Variants in NPAS3 observed in about 807,000 individuals in gnomAD.
NPAS3 encodes the protein neuronal PAS domain protein 3, also known as neuronal PAS domain-containing protein 3.
Under a neutral mutation model 73.1 loss-of-function variants are expected in NPAS3, and 14 were observed. The observed-to-expected ratio is 0.19, with a 90% CI of 0.13 to 0.30. The LOEUF is 0.30. NPAS3 is among the 10% of genes least tolerant of loss of function. NPAS3 has a pLI of 1.00. For missense variants in NPAS3, 1,096 were observed against 1,250.0 expected (o/e 0.88, Z 1.86); for synonymous variants, 620 against 541.5 (o/e 1.14, Z -2.01).
chr14:33,522,569 T>C (rs1294345231), intron 4 of NPAS3, among the ~76,000 whole-genome samples: 1 of 152,170 alleles, frequency 6.6e-6, no homozygotes, highest in Non-Finnish European at 1.5e-5. Context: ...CATTTTCTGA[T>C]GTTGGAAATA....
intron 3 of NPAS3, among the ~76,000 whole-genome samples, chr14:33,241,066 T>A (rs1000849362): frequency 6.6e-6 from 1 of 151,960 alleles, no homozygotes; most frequent in South Asian, 2.1e-4. Flanking sequence ...CTCTATTTAT[T>A]TTCTCTTCTT....
intron 5 of NPAS3, among the ~76,000 whole-genome samples, chr14:33,663,214 A>G (rs569486581): frequency 1.1e-4 from 16 of 152,204 alleles, no homozygotes; most frequent in African/African-American, 3.4e-4. Context: ...GGTTTGTCAT[A>G]AATAGCTCTT....
chr14:33,500,465 A>G (rs1292739864), intron 4 of NPAS3, among the ~76,000 whole-genome samples: 7 of 151,878 alleles, frequency 4.6e-5, no homozygotes, highest in Admixed American at 2.0e-4. Flanking sequence ...CTACAGATGA[A>G]TCGGGTGTGG....
chr14:33,799,487 C>T (rs1041675081), intron 11 of NPAS3, among the ~76,000 whole-genome samples: 1 of 152,152 alleles, frequency 6.6e-6, no homozygotes, highest in Non-Finnish European at 1.5e-5. Flanking sequence ...AGCGGGTGTC[C>T]AGATGATTGC....
intron 6 of NPAS3, among the ~76,000 whole-genome samples, chr14:33,710,948 A>G (rs1338061897): frequency 2.6e-5 from 4 of 152,226 alleles, no homozygotes; most frequent in African/African-American, 2.4e-5. Context: ...CAAAGTGCCA[A>G]GGTTCTCAGA....
At chr14:33,309,848 T>C (rs971836670) in intron 3 of NPAS3, among the ~76,000 whole-genome samples, 1 of 152,210 alleles carries the variant, frequency 6.6e-6, no homozygotes, top group African/African-American at 2.4e-5. Context: ...AATGCTCAGC[T>C]AGCTATGGAG....
At chr14:33,208,509 T>G (rs1222681831) in intron 2 of NPAS3, among the ~76,000 whole-genome samples, 1 of 152,190 alleles carries the variant, frequency 6.6e-6, no homozygotes, top group African/African-American at 2.4e-5. Context: ...ACAAGTCAAA[T>G]GGGTCAGGAT....
chr14:33,672,896 G>C (rs950836572), intron 5 of NPAS3, among the ~76,000 whole-genome samples: 1 of 152,136 alleles, frequency 6.6e-6, no homozygotes. Context: ...GGTGTCTTCT[G>C]GCTCTAAAAT....
At position 33,380,424 on chromosome 14, in the gene NPAS3, C is replaced by A. The variant is rs546521760; in HGVS notation, c.468+13156C>A. ...TGAACTGTAGCCATGCACCTGTGGG[C>A]AGACCCAGGAGCTGGGTCAGATGCC... On this transcript the variant is annotated intron_variant, in intron 4 of 11. Coordinates refer to ENST00000356141, the Ensembl canonical transcript of NPAS3. Among the ~76,000 whole-genome samples, 174 of 152,264 alleles carry A rather than the reference C, an allele frequency of 1.1e-3. 1 individual carries two copies. Among genetic ancestry groups the A allele is most frequent in the Non-Finnish European group, 2.0e-3 (139 of 68,032 alleles).
At chr14:33,215,922 A>G (rs1384552399) in intron 3 of NPAS3, among the ~76,000 whole-genome samples, 1 of 152,184 alleles carries the variant, frequency 6.6e-6, no homozygotes, top group African/African-American at 2.4e-5. Flanking sequence ...TTCTCTATAT[A>G]CATATTACCT....
rs142610743 is a variant in NPAS3, at chr14:33,546,087, G to A, written c.469-14034G>A. Among the ~76,000 whole-genome samples the A allele has an allele frequency of 3.3e-4, 50 of 152,248 alleles. No individual in the cohort carries two copies. The Middle Eastern group carries it at 0.017, about 52-fold the overall frequency. ...GAAGCCTCCTCTGCCACACCTCTTAGTGAGGCCAGGAGTCTACCTCTATAG... is the reference window on the plus strand; with the variant it reads ...GAAGCCTCCTCTGCCACACCTCTTAATGAGGCCAGGAGTCTACCTCTATAG... On this transcript the variant is annotated intron_variant, in intron 4 of 11. Coordinates refer to ENST00000356141, the Ensembl canonical transcript of NPAS3.
At chr14:33,430,731 T>C (rs1019018161) in intron 4 of NPAS3, among the ~76,000 whole-genome samples, 2 of 152,216 alleles carry the variant, frequency 1.3e-5, no homozygotes, top group Non-Finnish European at 2.9e-5. Flanking sequence ...TCCACATCTA[T>C]CTTCTCCCTG....
At chr14:33,255,641 C>T (rs2048751761) in intron 3 of NPAS3, among the ~76,000 whole-genome samples, 1 of 152,142 alleles carries the variant, frequency 6.6e-6, no homozygotes, top group Admixed American at 6.5e-5. Context: ...TAGGGTGACT[C>T]AGCCTGGTCT....
intron 2 of NPAS3, among the ~76,000 whole-genome samples, chr14:33,147,728 AAAAT>A (rs1372525215): frequency 7.7e-5 from 5 of 65,248 alleles, no homozygotes; most frequent in Non-Finnish European, 1.4e-4. Flanking sequence ...AGTAGAATAA[AAAAT>A]ATATATATAT....
chr14:33,002,686 C>T (rs1166087064), intron 1 of NPAS3, among the ~76,000 whole-genome samples: 3 of 152,086 alleles, frequency 2.0e-5, no homozygotes, highest in Non-Finnish European at 4.4e-5. Context: ...AGGTGGCTTC[C>T]ACAAATTCTG....
At chr14:33,330,871 A>G (rs1316662223) in intron 3 of NPAS3, among the ~76,000 whole-genome samples, 4 of 152,232 alleles carry the variant, frequency 2.6e-5, no homozygotes, top group Non-Finnish European at 4.4e-5. Context: ...ACCTAGCCTT[A>G]AAGAGATGTT....
In NPAS3 at chr14:33,021,762, T is replaced by G. The variant is rs571916245; in HGVS notation, c.51-34143T>G. Among the ~76,000 whole-genome samples, 4 of 152,312 alleles carry G rather than the reference T, an allele frequency of 2.6e-5. No individual in the cohort carries two copies. The East Asian group carries it at 7.7e-4, about 29-fold the overall frequency. ...ATTTAACATTAACTTAGGTAATAAA[T>G]AAAATATTTTGTGTTGTCGACTGTA... is the stretch of plus-strand genomic sequence containing the variant. On this transcript the variant is annotated intron_variant, in intron 1 of 11. Transcript: ENST00000356141.
At chr14:33,660,814 C>T (rs568210723) in intron 5 of NPAS3, among the ~76,000 whole-genome samples, 7 of 152,248 alleles carry the variant, frequency 4.6e-5, no homozygotes, top group South Asian at 4.1e-4. Context: ...TCTCTGTTTT[C>T]GGACAGCACA....
chr14:32,971,438 GT>G (rs2139316242), intron 1 of NPAS3, among the ~76,000 whole-genome samples: 1 of 152,212 alleles, frequency 6.6e-6, no homozygotes, highest in African/African-American at 2.4e-5. Context: ...AATAAAGATA[GT>G]TTTTAAGGCA....
Sources: allele counts gnomAD v4.1 joint callset (sites outside exome capture counted in the v4.1 genomes callset), GRCh38; gene constraint gnomAD v4.1.1; transcripts MANE v1.5; gene names NCBI Gene and HGNC (gene_info 2026-07-23, HGNC 2026-07-21).